Variants in ZNF438 observed in about 807,000 individuals in gnomAD.
The protein encoded by ZNF438 is zinc finger protein 438.
Under a neutral mutation model 38.0 loss-of-function variants are expected in ZNF438, and 25 were observed. That is an observed-to-expected ratio of 0.66 (90% CI 0.48 to 0.92). The LOEUF (loss-of-function observed/expected upper bound fraction) is 0.92. ZNF438 is among the 40% of genes least tolerant of loss of function. The probability of loss-of-function intolerance (pLI) is 0.00; values close to 1 mark genes in which losing one functional copy is unlikely to be tolerated. For missense variants in ZNF438, 1,007 were observed against 999.6 expected, an observed-to-expected ratio of 1.01 and a Z score of -0.10; for synonymous variants, 372 against 364.1, an observed-to-expected ratio of 1.02 and a Z score of -0.25.
chr10:30,919,755 A>G (rs56209090), intron 2 of ZNF438: 12,682 of 152,234 alleles, frequency 0.083, 607 homozygotes, highest in Non-Finnish European at 0.11. Flanking sequence ...TGGAGTACCT[A>G]GTACTATAGA....
At chr10:30,907,737 CA>C (rs1342970034) in intron 3 of ZNF438, among the ~76,000 whole-genome samples, 2 of 151,966 alleles carry the variant, frequency 1.3e-5, no homozygotes, top group Admixed American at 1.3e-4. Context: ...TTAGTCTAGC[CA>C]AAGGTTCATT....
chr10:31,021,291 A>G (rs1330487016), intron 1 of ZNF438, among the ~76,000 whole-genome samples: 1 of 152,196 alleles, frequency 6.6e-6, no homozygotes, highest in Non-Finnish European at 1.5e-5. Context: ...CCCTAAATTT[A>G]TTTTAACATC....
intron 3 of ZNF438, among the ~76,000 whole-genome samples, chr10:30,878,971 T>C (rs924725916): frequency 9.2e-5 from 14 of 151,790 alleles, no homozygotes; most frequent in Admixed American, 5.9e-4. Flanking sequence ...ACAATTGCAA[T>C]GAGCCCTATT....
At chr10:30,903,417 A>G (rs576849845) in intron 3 of ZNF438, among the ~76,000 whole-genome samples, 3 of 152,348 alleles carry the variant, frequency 2.0e-5, no homozygotes, top group African/African-American at 7.2e-5. Flanking sequence ...AGCATCCCCA[A>G]AGAACTTGGC....
intron 1 of ZNF438, among the ~76,000 whole-genome samples, chr10:30,992,036 G>C (rs2053557085): frequency 6.6e-6 from 1 of 152,226 alleles, no homozygotes; most frequent in South Asian, 2.1e-4. Context: ...TCGCTCAGGA[G>C]TGACTGGGAA....
chr10:30,885,125 G>T (rs969153125), intron 3 of ZNF438, among the ~76,000 whole-genome samples: 1 of 152,180 alleles, frequency 6.6e-6, no homozygotes, highest in African/African-American at 2.4e-5. Flanking sequence ...TCAGATAAAT[G>T]CCATAATATA....
At chr10:30,863,841 T>C (rs1400110844) in intron 4 of ZNF438, among the ~76,000 whole-genome samples, 1 of 152,214 alleles carries the variant, frequency 6.6e-6, no homozygotes, top group Admixed American at 6.5e-5. Flanking sequence ...CCCCACCTTG[T>C]GCTCTCCACT....
chr10:30,927,875 C>CAA (rs10650449), intron 2 of ZNF438, among the ~76,000 whole-genome samples: 63,627 of 151,274 alleles, frequency 0.42, 13,793 homozygotes, highest in Non-Finnish European at 0.46. Context: ...CTCACTGAGC[C>CAA]AAAAAAAAGT....
chr10:31,009,908 G>C (rs1043841479), intron 1 of ZNF438, among the ~76,000 whole-genome samples: 2 of 149,508 alleles, frequency 1.3e-5, no homozygotes, highest in African/African-American at 4.9e-5. Flanking sequence ...GAGTGCAGTG[G>C]CTCAATCTCG....
At chr10:30,969,636 T>C (rs373266856) in intron 1 of ZNF438, among the ~76,000 whole-genome samples, 6 of 152,154 alleles carry the variant, frequency 3.9e-5, no homozygotes, top group Admixed American at 2.6e-4. Flanking sequence ...CCCCGAAGTA[T>C]ACCAAATGCA....
chr10:30,854,192 C>T (rs1314564839), intron 4 of ZNF438, among the ~76,000 whole-genome samples: 1 of 150,784 alleles, frequency 6.6e-6, no homozygotes, highest in East Asian at 2.0e-4. Flanking sequence ...TGGTGGTGGG[C>T]GCCTGTAGTC....
chr10:30,870,943 G>C (rs1222470788), intron 4 of ZNF438, among the ~76,000 whole-genome samples: 2 of 152,182 alleles, frequency 1.3e-5, no homozygotes, highest in African/African-American at 4.8e-5. Flanking sequence ...CTAAAAAGAA[G>C]CATGTAACAA....
intron 1 of ZNF438, among the ~76,000 whole-genome samples, chr10:30,949,266 G>C (rs1252901745): frequency 6.6e-6 from 1 of 151,866 alleles, no homozygotes; most frequent in Non-Finnish European, 1.5e-5. Flanking sequence ...AACATGGAAA[G>C]GAAAAACCGG....
At chr10:30,957,350 TCA>T (rs1225593717) in intron 1 of ZNF438, among the ~76,000 whole-genome samples, 1 of 152,236 alleles carries the variant, frequency 6.6e-6, no homozygotes, top group Non-Finnish European at 1.5e-5. Context: ...GATTGTCTCT[TCA>T]CTCTGTTGTT....
At chr10:30,947,299 C>A (rs1017804013) in intron 1 of ZNF438, among the ~76,000 whole-genome samples, 4 of 152,168 alleles carry the variant, frequency 2.6e-5, no homozygotes, top group Admixed American at 2.6e-4. Context: ...TTGTGAGGTA[C>A]AATAAAATGG....
intron 1 of ZNF438, among the ~76,000 whole-genome samples, chr10:30,962,529 T>C (rs1455794955): frequency 6.8e-6 from 1 of 147,398 alleles, no homozygotes; most frequent in Non-Finnish European, 1.5e-5. Flanking sequence ...TCAAATACAT[T>C]TGGGAAACAC....
intron 1 of ZNF438, among the ~76,000 whole-genome samples, chr10:30,964,402 C>T (rs190529667): frequency 7.9e-5 from 12 of 152,170 alleles, no homozygotes; most frequent in African/African-American, 2.9e-4. Flanking sequence ...ATTTAACATA[C>T]TTTAGGTTGC....
chr10:30,930,707 T>C (rs1305688181), intron 2 of ZNF438, among the ~76,000 whole-genome samples: 1 of 146,362 alleles, frequency 6.8e-6, no homozygotes, highest in East Asian at 2.0e-4. Flanking sequence ...CTCAGGAGGC[T>C]GAGGCAGGCG....
At chr10:30,907,974 T>C (rs1459585985) in intron 3 of ZNF438, among the ~76,000 whole-genome samples, 1 of 152,156 alleles carries the variant, frequency 6.6e-6, no homozygotes, top group Non-Finnish European at 1.5e-5. Flanking sequence ...GCTATAAATT[T>C]CTCTCTAAAC....
Sources: allele counts gnomAD v4.1 joint callset (sites outside exome capture counted in the v4.1 genomes callset), GRCh38; gene constraint gnomAD v4.1.1; transcripts MANE v1.5; gene names NCBI Gene and HGNC (gene_info 2026-07-23, HGNC 2026-07-21).